Variants in PIK3CD observed in about 807,000 individuals in gnomAD.
PIK3CD encodes the protein phosphatidylinositol 4,5-bisphosphate 3-kinase catalytic subunit delta isoform.
A neutral mutation model predicts 122.9 loss-of-function variants in PIK3CD; 20 were observed. The ratio of observed to expected loss-of-function variants is 0.16; its 90% CI spans 0.11 to 0.24. The LOEUF (loss-of-function observed/expected upper bound fraction) is 0.24. Among genes scored for constraint, PIK3CD ranks in the 10% least tolerant of loss-of-function variants. The pLI is 1.00. For synonymous variants in PIK3CD, 596 were observed against 593.4 expected (o/e 1.00, Z -0.06); for missense variants, 787 against 1,406.3 (o/e 0.56, Z 7.04).
chr1:9,643,885 G>A, the PIK3CD span, among the ~76,000 whole-genome samples: 2 of 152,118 alleles, frequency 1.3e-5, no homozygotes, highest in South Asian at 2.1e-4. Context: ...GTAAAGACTC[G>A]AGCTGGGTAG....
Position 9,718,513 on chromosome 1 carries a change from C to G in PIK3CD, c.1021-181C>G, listed in dbSNP as rs1196642293. On this transcript the variant is annotated intron_variant, in intron 8 of 23. Transcript: ENST00000377346. The surrounding 1 kb of genome is among the most constrained non-coding windows in gnomAD (Gnocchi z 7.2). ...ACCCATGCACAGCCCGTGGTACCCT[C>G]CCTCACCCCAGGGCCGCTCATGCCC... Among the ~76,000 whole-genome samples, 1 of 152,040 alleles carries G rather than the reference C, an allele frequency of 6.6e-6. No individual in the cohort carries two copies.
Position 9,715,683 on chromosome 1 carries a change from T to TC in PIK3CD, c.286dup (p.Leu96ProfsTer10). 6.2e-7 allele frequency: 1 copy of TC among 1,613,692 alleles called. No homozygotes were observed. On this transcript the variant is annotated frameshift_variant, in exon 4 of 24. Transcript: ENST00000377346. LOFTEE classifies it high-confidence loss of function. The surrounding 1 kb of genome is among the most constrained non-coding windows in gnomAD (Gnocchi z 4.1). Reference sequence around the variant, plus strand: ...CGGCGTCTGTGTGACGTGCAGCCCTTCCTGCCCGTCCTGCGCCTGGTGGCC... The same window carrying TC: ...CGGCGTCTGTGTGACGTGCAGCCCTTCCCTGCCCGTCCTGCGCCTGGTGGCC...
At chr1:9,646,131 A>C in the PIK3CD span, among the ~76,000 whole-genome samples, 1 of 152,098 alleles carries the variant, frequency 6.6e-6, no homozygotes, top group Non-Finnish European at 1.5e-5. Flanking sequence ...GAAAGTAGCA[A>C]GGATCTGGAA....
At chr1:9,711,482 A>G (rs567318942) in intron 3 of PIK3CD, among the ~76,000 whole-genome samples, 1 of 152,114 alleles carries the variant, frequency 6.6e-6, no homozygotes, top group Non-Finnish European at 1.5e-5. Context: ...TTCACAGTGT[A>G]TGTTTCCCTC....
At chr1:9,666,327 G>GCC (rs540773280) in intron 1 of PIK3CD, among the ~76,000 whole-genome samples, 1 of 125,890 alleles carries the variant, frequency 7.9e-6, no homozygotes, top group Non-Finnish European at 1.6e-5. Context: ...TGCAACCTCT[G>GCC]CCCCCCCAGG....
At chr1:9,693,187 G>A (rs1328204458) in intron 2 of PIK3CD, among the ~76,000 whole-genome samples, 1 of 151,910 alleles carries the variant, frequency 6.6e-6, no homozygotes, top group African/African-American at 2.4e-5. Context: ...AAACCCCTCA[G>A]AGAGAATTCT....
chr1:9,693,509 A>G (rs1170870276), intron 2 of PIK3CD, among the ~76,000 whole-genome samples: 1 of 152,084 alleles, frequency 6.6e-6, no homozygotes, highest in East Asian at 1.9e-4. Context: ...CTGGGATTAC[A>G]GGCGTCAGCC....
intron 1 of PIK3CD, chr1:9,654,288 T>C (rs776458620): frequency 7.3e-7 from 1 of 1,367,730 alleles, no homozygotes; most frequent in South Asian, 1.1e-5. Flanking sequence ...GTTTCTGCGT[T>C]TCTGCAGCCT....
chr1:9,668,058 C>G (rs892996654), intron 1 of PIK3CD, among the ~76,000 whole-genome samples: 1 of 151,840 alleles, frequency 6.6e-6, no homozygotes. Flanking sequence ...TGGTGTAAAA[C>G]CTAGTTCTTT....
At chr1:9,686,938 C>A (rs9661903) in intron 1 of PIK3CD, among the ~76,000 whole-genome samples, 21,733 of 152,162 alleles carry the variant, frequency 0.14, 1,946 homozygotes, top group South Asian at 0.25. Flanking sequence ...TTCTTCTCTA[C>A]ACAATTTATT....
At chr1:9,667,537 C>CG (rs1645196583) in intron 1 of PIK3CD, among the ~76,000 whole-genome samples, 1 of 151,188 alleles carries the variant, frequency 6.6e-6, no homozygotes, top group Admixed American at 6.6e-5. Flanking sequence ...CCACCACGCC[C>CG]GGCTAATTTT....
At position 9,710,074 on chromosome 1, in the gene PIK3CD, C is replaced by T; in HGVS notation, c.-32-350C>T. On this transcript the variant is annotated intron_variant, in intron 2 of 23. Coordinates refer to ENST00000377346, the MANE Select transcript of PIK3CD (RefSeq NM_005026.5). This position sits in a 1 kb window ranked among gnomAD's most constrained non-coding sequence, Gnocchi z 4.7. Reference sequence around the variant, plus strand: ...CCTCTCAGGTCTCAGGGCACCTGACCAGCTGTCCTGCCATCTCCCTTCTGT... The same window carrying T: ...CCTCTCAGGTCTCAGGGCACCTGACTAGCTGTCCTGCCATCTCCCTTCTGT... 1 of 336,012 alleles carries T rather than the reference C, an allele frequency of 3.0e-6. No individual in the cohort carries two copies. The allele number at this position is 336,012 out of a possible 1,614,324, so 20.8% of individuals were successfully genotyped here. A position where few individuals can be genotyped will look rare whatever the true frequency, so the allele number is the denominator to read the frequency against.
In PIK3CD at chr1:9,700,609, G is replaced by C. The variant is rs1646589835; in HGVS notation, c.-33+9038G>C. Among the ~76,000 whole-genome samples the C allele has an allele frequency of 6.6e-6, 1 of 152,122 alleles. No individual in the cohort carries two copies. Among genetic ancestry groups the C allele is most frequent in the Non-Finnish European group, 1.5e-5 (1 of 68,002 alleles). ...ACGCGACCCCAGCTCCCCGCTCTGT[G>C]TCTAGGCCGTCTCACCTGCCCCTCC... On this transcript the variant is annotated intron_variant, in intron 2 of 23. Coordinates refer to ENST00000377346, the MANE Select transcript of PIK3CD (RefSeq NM_005026.5). The surrounding 1 kb of genome is among the most constrained non-coding windows in gnomAD (Gnocchi z 5.1).
chr1:9,633,112 C>T, the PIK3CD span, among the ~76,000 whole-genome samples: 13 of 152,240 alleles, frequency 8.5e-5, no homozygotes, highest in East Asian at 2.1e-3. Context: ...CCGCCCGCCT[C>T]GGCCTCCCAT....
chr1:9,696,826 G>A (rs559813738), intron 2 of PIK3CD, among the ~76,000 whole-genome samples: 22 of 151,252 alleles, frequency 1.5e-4, no homozygotes, highest in African/African-American at 5.3e-4. Flanking sequence ...CAGGCATGGT[G>A]GCTCATGCCT....
chr1:9,658,734 T>C (rs1371573443), intron 1 of PIK3CD, among the ~76,000 whole-genome samples: 1 of 152,092 alleles, frequency 6.6e-6, no homozygotes, highest in Non-Finnish European at 1.5e-5. Flanking sequence ...TTCGCCATAT[T>C]GGCCAGGCTG....
intron 2 of PIK3CD, among the ~76,000 whole-genome samples, chr1:9,696,823 G>A (rs541111945): frequency 1.3e-5 from 2 of 151,486 alleles, no homozygotes; most frequent in Admixed American, 6.6e-5. Flanking sequence ...GGTCAGGCAT[G>A]GTGGCTCATG....
the PIK3CD span, among the ~76,000 whole-genome samples, chr1:9,639,963 A>G: frequency 1.3e-5 from 2 of 151,676 alleles, no homozygotes; most frequent in East Asian, 3.9e-4. Context: ...GCTAGTCTTG[A>G]ACTCCTCAGT....
chr1:9,728,939 C>A lies in PIK3CD; in HGVS notation c.*1893C>A, dbSNP rs1371874330. The stretch of plus-strand genomic sequence containing the variant: ...AAGAAAGAAAAAGCCTTTTTATGTT[C>A]TTTTATGTTCTCGGCTCAAAAAGAA... On this transcript the variant is annotated 3_prime_UTR_variant, in exon 24 of 24. Transcript: ENST00000377346. 6.6e-6 allele frequency: 1 copy of A among 152,104 alleles called. No homozygotes were observed. The highest frequency in any genetic ancestry group is 1.5e-5 in the Non-Finnish European group (1 of 68,014). 9.4% of individuals were successfully genotyped at this position (152,104 alleles called of 1,614,324 possible).
Sources: gnomAD v4.1 joint callset for allele counts (sites outside exome capture counted in the v4.1 genomes callset) on GRCh38, gnomAD v4.1.1 for gene constraint, Gnocchi (gnomAD v3.1) non-coding constraint, MANE v1.5 for transcripts, NCBI Gene and HGNC (gene_info 2026-07-23, HGNC 2026-07-21) for gene names.